ASAH1: variants seen among roughly 807,000 people sequenced by gnomAD.
The protein encoded by ASAH1 is N-acylsphingosine amidohydrolase 1, also known as acid ceramidase.
A neutral mutation model predicts 59.5 loss-of-function variants in ASAH1; 70 were observed. The observed-to-expected ratio is 1.18, with a 90% confidence interval of 0.97 to 1.43. ASAH1 has a LOEUF of 1.43. ASAH1 is among the 40% of genes most tolerant of loss of function. ASAH1 has a pLI of 0.00. For synonymous variants in ASAH1, 213 were observed against 166.5 expected, an observed-to-expected ratio of 1.28 and a Z score of -2.15; for missense variants, 660 against 482.5, an observed-to-expected ratio of 1.37 and a Z score of -3.45.
At chr8:18,077,184 C>G (rs569198474) in intron 1 of ASAH1, among the ~76,000 whole-genome samples, 59 of 152,150 alleles carry the variant, frequency 3.9e-4, no homozygotes, top group Non-Finnish European at 6.8e-4. Flanking sequence ...ACGGTTATAT[C>G]CACAAGAGCA....
At chr8:18,083,781 C>T (rs1800762887) in intron 1 of ASAH1, 200 bp downstream of exon 1, 4 of 1,042,830 alleles carry the variant, frequency 3.8e-6, no homozygotes, top group Non-Finnish European at 5.4e-6. Context: ...GTTCTAGTTG[C>T]AGGTAGCACC....
chr8:18,084,756 G>T (rs747445274), upstream of ASAH1: 1 of 1,613,658 alleles, frequency 6.2e-7, no homozygotes, highest in Non-Finnish European at 8.5e-7. Context: ...TAGGAGGCCC[G>T]GTGGGACCCG....
At chr8:18,077,483 T>C (rs1172753852) in intron 1 of ASAH1, among the ~76,000 whole-genome samples, 1 of 152,218 alleles carries the variant, frequency 6.6e-6, no homozygotes, top group Non-Finnish European at 1.5e-5. Flanking sequence ...ATACAGATGA[T>C]TCAGAGGCTA....
intron 13 of ASAH1, 127 bp downstream of exon 13, chr8:18,058,708 A>AT: frequency 1.2e-6 from 1 of 836,292 alleles, no homozygotes. Context: ...ACATTTTTTA[A>AT]TAAAAAATCA....
chr8:18,073,520 A>G (rs1800262578), intron 2 of ASAH1, among the ~76,000 whole-genome samples: 1 of 152,234 alleles, frequency 6.6e-6, no homozygotes, highest in African/African-American at 2.4e-5. Context: ...TACAAATAAG[A>G]GAGCAAGTGC....
chr8:18,072,772 C>G (rs2117067646), intron 2 of ASAH1, among the ~76,000 whole-genome samples: 1 of 152,272 alleles, frequency 6.6e-6, no homozygotes, highest in East Asian at 1.9e-4. Flanking sequence ...TATTACTAGT[C>G]TCCCCTCTCC....
chr8:18,084,244 G>C (rs1800796604), upstream of ASAH1: 6 of 1,466,256 alleles, frequency 4.1e-6, no homozygotes, highest in South Asian at 4.2e-5. Context: ...TCAGTGCCAC[G>C]AAAAGGGTGG....
At chr8:18,058,567 C>T (rs755195834) in intron 13 of ASAH1, 35 of 460,908 alleles carry the variant, frequency 7.6e-5, no homozygotes, top group Non-Finnish European at 1.2e-4. Context: ...TTAATAGATA[C>T]CAATAAGAGT....
chr8:18,075,463 C>A, intron 2 of ASAH1, 78 bp downstream of exon 2: 1 of 1,391,840 alleles, frequency 7.2e-7, no homozygotes, highest in South Asian at 1.2e-5. Flanking sequence ...CACTATCGTT[C>A]GTTTATGAGC....
chr8:18,058,898 C>T lies in ASAH1; in HGVS notation c.1042-7G>A. 6.2e-7 allele frequency: 1 copy of T among 1,610,340 alleles called. No individual in the cohort carries two copies. The highest frequency in any genetic ancestry group is 8.5e-7 in the Non-Finnish European group (1 of 1,176,628). On this transcript the variant is annotated splice_region_variant and splice_polypyrimidine_tract_variant and intron_variant, in intron 12 of 13. Coordinates refer to ENST00000637790, the MANE Select transcript of ASAH1 (RefSeq NM_177924.5). Reference sequence around the variant, plus strand: ...TGGTTTCAAATGAGATATTCTAAAACACAAGAAAATAGTTTTGTTCAGTAA... The same window carrying T: ...TGGTTTCAAATGAGATATTCTAAAATACAAGAAAATAGTTTTGTTCAGTAA...
Position 18,059,015 on chromosome 8 carries a change from G to A in ASAH1, c.1042-124C>T, listed in dbSNP as rs970409505. 29 of 888,298 alleles carry A rather than the reference G, an allele frequency of 3.3e-5. 1 individual carries two copies. The South Asian group carries it at 4.1e-4, about 13-fold the overall frequency. The allele number at this position is 888,298 out of a possible 1,614,324, so 55.0% of individuals were successfully genotyped here. A position where few individuals can be genotyped will look rare whatever the true frequency, so the allele number is the denominator to read the frequency against. ...TCAACCTCCCCTCCATCCCCGCAGT[G>A]GAGTTTCTGTGGGAGTCACTGTTAG... On this transcript the variant is annotated intron_variant, in intron 12 of 13. Transcript: ENST00000637790.
rs1338489957 is a variant in ASAH1, at chr8:18,067,138, G to A, written c.382+82C>T. 4 of 1,112,808 alleles carry A rather than the reference G, an allele frequency of 3.6e-6. No individual in the cohort carries two copies. In the African/African-American group the frequency reaches 6.4e-5, roughly 18 times the overall value. 68.9% of individuals were successfully genotyped at this position (1,112,808 alleles called of 1,614,324 possible). A position where few individuals can be genotyped will look rare whatever the true frequency, so the allele number is the denominator to read the frequency against. ...TATATCTAAGACATACAGCACCTGT[G>A]CTGTATGTATATCACACCTCAATGG... On this transcript the variant is annotated intron_variant, in intron 5 of 13. Coordinates refer to ENST00000637790, the MANE Select transcript of ASAH1 (RefSeq NM_177924.5).
chr8:18,084,591 G>A (rs1465623625), upstream of ASAH1: 18 of 1,588,096 alleles, frequency 1.1e-5, no homozygotes, highest in Non-Finnish European at 1.5e-5. Flanking sequence ...CCCCACCGCG[G>A]AGTCAGGGAC....
At position 18,058,910 on chromosome 8, in the gene ASAH1, G is replaced by C. The variant is rs1799576685; in HGVS notation, c.1042-19C>G. 3.1e-6 allele frequency: 5 copies of C among 1,601,972 alleles called. No individual in the cohort carries two copies. The highest frequency in any genetic ancestry group is 4.5e-5 in the East Asian group (2 of 44,808). On this transcript the variant is annotated intron_variant, in intron 12 of 13. Transcript: ENST00000637790. ...AGATATTCTAAAACACAAGAAAATA[G>C]TTTTGTTCAGTAAGTTAAATACAGA...
upstream of ASAH1, chr8:18,084,495 A>AAGAGTCTCAACACTAATGT: frequency 7.5e-7 from 1 of 1,327,778 alleles, no homozygotes. Context: ...AACGGATCCA[A>AAGAGTCTCAACACTAATGT]AGAGTCTCAA....
At chr8:18,063,356 T>C (rs1588980545) in intron 6 of ASAH1, 126 bp from the exon 7 acceptor site, 1 of 874,192 alleles carries the variant, frequency 1.1e-6, no homozygotes, top group Non-Finnish European at 1.9e-6. Context: ...CAGACTGGAG[T>C]GCAGTGGTGC....
At chr8:18,084,148 G>A (rs918027985), upstream of ASAH1, 8 of 1,567,294 alleles carry the variant, frequency 5.1e-6, no homozygotes, top group African/African-American at 4.0e-5. Flanking sequence ...CCTCCGCCGC[G>A]TGACCCGCGA....
chr8:18,084,060 G>C lies in ASAH1; in HGVS notation c.-2C>G, dbSNP rs371791165. ...GGCGACGCAACTCCGGCCCGGCATC[G>C]CTCTAGCAGCCAACGCCACTCCCCG... On this transcript the variant is annotated 5_prime_UTR_variant, in exon 1 of 14. Coordinates refer to ENST00000637790, the MANE Select transcript of ASAH1 (RefSeq NM_177924.5). The C allele has an allele frequency of 1.9e-4, 305 of 1,598,450 alleles. No individual in the cohort carries two copies. The highest frequency in any genetic ancestry group is 2.4e-4 in the Non-Finnish European group (279 of 1,179,664).
chr8:18,071,129 C>G (rs1303259722), intron 3 of ASAH1, among the ~76,000 whole-genome samples, 171 bp downstream of exon 3: 2 of 151,790 alleles, frequency 1.3e-5, no homozygotes, highest in African/African-American at 4.8e-5. Flanking sequence ...ATTGCTAGAA[C>G]CCAGGAGGCG....
Sources: gnomAD v4.1 joint callset for allele counts (sites outside exome capture counted in the v4.1 genomes callset) on GRCh38, gnomAD v4.1.1 for gene constraint, MANE v1.5 for transcripts, NCBI Gene and HGNC (gene_info 2026-07-23, HGNC 2026-07-21) for gene names.